SEC31B: variants seen among roughly 807,000 people sequenced by gnomAD.
The protein encoded by SEC31B is protein transport protein Sec31B.
In SEC31B, 113 loss-of-function variants were observed where a neutral mutation model predicts 135.0. That is an observed-to-expected ratio of 0.84 (90% CI 0.72 to 0.98). The LOEUF (loss-of-function observed/expected upper bound fraction) is 0.98. Ranked by LOEUF, SEC31B falls within the 50% of genes least tolerant of loss-of-function variation. The pLI is 0.00. For synonymous variants in SEC31B, 508 were observed against 549.4 expected (o/e 0.92, Z 1.05); for missense variants, 1,296 against 1,421.1 (o/e 0.91, Z 1.42).
chr10:100,512,680 G>C (rs563028945), intron 3 of SEC31B, among the ~76,000 whole-genome samples: 2 of 152,360 alleles, frequency 1.3e-5, no homozygotes, highest in South Asian at 4.1e-4. Flanking sequence ...AGAGCAGGCA[G>C]AGAATGGGGA....
At position 100,519,826 on chromosome 10, in the gene SEC31B, C is replaced by G. The variant is rs1302693489; in HGVS notation, c.-90G>C. On this transcript the variant is annotated 5_prime_UTR_variant, in exon 1 of 26. Transcript: ENST00000370345. ...CAAGGGTCAGGCGCGGCGGCCGGAG[C>G]CGCTCCTCTGGCAGGGCTCTCGCGC... 1.3e-5 allele frequency: 2 copies of G among 152,294 alleles called. No individual in the cohort carries two copies. Among genetic ancestry groups the G allele is most frequent in the African/African-American group, 4.8e-5 (2 of 41,462 alleles). 9.4% of individuals were successfully genotyped at this position (152,294 alleles called of 1,614,324 possible). A position where few individuals can be genotyped will look rare whatever the true frequency, so the allele number is the denominator to read the frequency against.
At chr10:100,508,379 GA>G in intron 5 of SEC31B, 1 of 509,884 alleles carries the variant, frequency 2.0e-6, no homozygotes, top group Non-Finnish European at 3.8e-6. Flanking sequence ...AGGGAGGGAG[GA>G]AAACAGATAC....
chr10:100,497,384 G>A lies in SEC31B; in HGVS notation c.1991-104C>T. 3 of 1,547,478 alleles carry A rather than the reference G, an allele frequency of 1.9e-6. No individual in the cohort carries two copies. The South Asian group carries it at 3.7e-5, about 19-fold the overall frequency. Reference sequence around the variant, plus strand: ...GACCATGAGCCTGGGACAAGTAGCTGCAGTTTAAGACAACACTGAGACTCA... The same window carrying A: ...GACCATGAGCCTGGGACAAGTAGCTACAGTTTAAGACAACACTGAGACTCA... On this transcript the variant is annotated intron_variant, in intron 16 of 25. Transcript: ENST00000370345.
chr10:100,495,076 T>G (rs1589732225), intron 19 of SEC31B: 1 of 349,624 alleles, frequency 2.9e-6, no homozygotes, highest in East Asian at 7.6e-5. Context: ...TCTGCCCGCT[T>G]TGGCCTCCCA....
intron 3 of SEC31B, among the ~76,000 whole-genome samples, chr10:100,513,396 C>A (rs1851769202): frequency 6.6e-6 from 1 of 152,140 alleles, no homozygotes; most frequent in African/African-American, 2.4e-5. Flanking sequence ...CTTGAAAAAC[C>A]CTTAAGACAC....
chr10:100,498,971 C>T (rs1282497217), intron 13 of SEC31B, among the ~76,000 whole-genome samples, 167 bp from the exon 14 acceptor site: 1 of 152,174 alleles, frequency 6.6e-6, no homozygotes, highest in Non-Finnish European at 1.5e-5. Context: ...AGACACAGCT[C>T]TCCACTCCCA....
At chr10:100,496,626 TA>T (rs1442333390) in intron 17 of SEC31B, among the ~76,000 whole-genome samples, 195 bp from the exon 18 acceptor site, 1 of 152,232 alleles carries the variant, frequency 6.6e-6, no homozygotes, top group Non-Finnish European at 1.5e-5. Flanking sequence ...CCCAAGCTGT[TA>T]GGATTGGATT....
intron 1 of SEC31B, 108 bp from the exon 2 acceptor site, chr10:100,517,105 C>G (rs1408976483): frequency 8.1e-6 from 5 of 618,036 alleles, no homozygotes; most frequent in Non-Finnish European, 1.4e-5. Flanking sequence ...CAGGGCAACA[C>G]AGAGTGACAA....
chr10:100,504,335 T>C lies in SEC31B; in HGVS notation c.1179+1026A>G, dbSNP rs114075842. Among the ~76,000 whole-genome samples the C allele has an allele frequency of 3.7e-3, 569 of 152,346 alleles. 3 individuals are homozygous for C. The highest frequency in any genetic ancestry group is 0.013 in the African/African-American group (520 of 41,590). On this transcript the variant is annotated intron_variant, in intron 10 of 25. Transcript: ENST00000370345. Reference sequence around the variant, plus strand: ...AAACAAGAACTTCCGCTTTTATACATCTGTTTTCAATTCAAACCTAATATT... The same window carrying C: ...AAACAAGAACTTCCGCTTTTATACACCTGTTTTCAATTCAAACCTAATATT...
intron 8 of SEC31B, 42 bp downstream of exon 8, chr10:100,506,279 T>C (rs762795503): frequency 6.2e-7 from 1 of 1,613,856 alleles, no homozygotes; most frequent in Non-Finnish European, 8.5e-7. Context: ...TCTTCTACCC[T>C]CTCTCTCCCA....
chr10:100,509,468 C>A lies in SEC31B; in HGVS notation c.247G>T (p.Glu83Ter). ...CCGCCAACAATAACCCCGGAGCTTT[C>A]CAGAAGCCCACTGCCAAAGCTCCCC... Reference protein sequence around the residue: ...VWGSFGSGLLESSGVIVGGGD... With the variant: ...VWGSFGSGLL The change falls in exon 4 of 26, where the codon GAA (glutamate) becomes TAA (stop). Residue 83 changes from glutamate to a stop codon, truncating the protein, a stop_gained. Transcript: ENST00000370345. LOFTEE classifies it high-confidence loss of function. The A allele has an allele frequency of 6.2e-7, 1 of 1,613,914 alleles. No individual in the cohort carries two copies. The highest frequency in any genetic ancestry group is 2.2e-5 in the East Asian group (1 of 44,878).
At chr10:100,515,972 C>T (rs1397615529) in intron 3 of SEC31B, 124 bp downstream of exon 3, 3 of 1,226,446 alleles carry the variant, frequency 2.4e-6, no homozygotes, top group Non-Finnish European at 1.1e-6. Flanking sequence ...ATTAACTTTT[C>T]TCCAACTTGG....
Position 100,495,549 on chromosome 10 carries a change from A to G in SEC31B, c.2311-3T>C, listed in dbSNP as rs190078291. The G allele has an allele frequency of 3.7e-4, 599 of 1,611,150 alleles. 6 individuals carry two copies. In the East Asian group the frequency reaches 7.7e-3, roughly 21 times the overall value. ...TCTCTTAGCTGCTGAACTGGTGGCTATAAGTTTTAATGAGGAAGAGCTGTG... is the reference window on the plus strand; with the variant it reads ...TCTCTTAGCTGCTGAACTGGTGGCTGTAAGTTTTAATGAGGAAGAGCTGTG... On this transcript the variant is annotated splice_region_variant and splice_polypyrimidine_tract_variant and intron_variant, in intron 18 of 25. Transcript: ENST00000370345.
At chr10:100,487,944 G>C in intron 25 of SEC31B, 83 bp downstream of exon 25, 1 of 1,530,480 alleles carries the variant, frequency 6.5e-7, no homozygotes, top group Non-Finnish European at 9.0e-7. Flanking sequence ...GACACCTATG[G>C]GAAGAAAAGA....
rs34700852 is a variant in SEC31B, at chr10:100,508,670, G to A, written c.495+337C>T. On this transcript the variant is annotated intron_variant, in intron 5 of 25. Coordinates refer to ENST00000370345, the MANE Select transcript of SEC31B (RefSeq NM_015490.4). ...GTCCTACTCTTCCTCCCTCTTTGCT[G>A]GGCCCAATGCCCTACCCAACCCTGC... 1,344 of 415,868 alleles carry A rather than the reference G, an allele frequency of 3.2e-3. 9 individuals carry two copies. Among genetic ancestry groups the A allele is most frequent in the Non-Finnish European group, 4.5e-3 (987 of 221,472 alleles). 25.8% of individuals were successfully genotyped at this position (415,868 alleles called of 1,614,324 possible).
At position 100,496,222 on chromosome 10, in the gene SEC31B, T is replaced by C. The variant is rs1458489007; in HGVS notation, c.2310+36A>G. On this transcript the variant is annotated intron_variant, in intron 18 of 25. Coordinates refer to ENST00000370345, the MANE Select transcript of SEC31B (RefSeq NM_015490.4). ...GCTCAATCAATGTTAGATGACTGAA[T>C]GAAATGGTTTGCTCTCTCCACATGG... 8 of 1,605,228 alleles carry C rather than the reference T, an allele frequency of 5.0e-6. No individual in the cohort carries two copies. The East Asian group carries it at 1.6e-4, about 31-fold the overall frequency.
intron 11 of SEC31B, chr10:100,500,264 A>G: frequency 2.2e-6 from 1 of 451,056 alleles, no homozygotes; most frequent in Non-Finnish European, 4.4e-6. Context: ...TATCCTTCCG[A>G]GGAGACTGCT....
intron 14 of SEC31B, chr10:100,498,423 A>G (rs1851454995): frequency 3.3e-6 from 2 of 613,152 alleles, no homozygotes; most frequent in Middle Eastern, 4.3e-4. Flanking sequence ...ATGTGGCAGT[A>G]GCACAGTGTG....
rs2295771 is a variant in SEC31B at position 100,502,366 on chromosome 10, C to T, written c.1298G>A (p.Arg433Gln). The T allele has an allele frequency of 5.7e-4, 914 of 1,614,128 alleles. 20 individuals carry two copies. The East Asian group carries it at 0.02, about 35-fold the overall frequency. ...CAAGGCCTCCTGCAGCTCAGCTGAT[C>T]GCATCAGGAATTCAGATTCTGTGGT... ...QVTTESEFLMRSAELQEALGS... is the reference protein window; with the variant it reads ...QVTTESEFLMQSAELQEALGS... The change falls in exon 11 of 26, where the codon CGA (arginine) becomes CAA (glutamine). Residue 433 changes from arginine (R) to glutamine (Q), a missense_variant. Transcript: ENST00000370345.
Sources: gnomAD v4.1 joint callset for allele counts (sites outside exome capture counted in the v4.1 genomes callset) on GRCh38, gnomAD v4.1.1 for gene constraint, MANE v1.5 for transcripts, NCBI Gene and HGNC (gene_info 2026-07-23, HGNC 2026-07-21) for gene names.